Variants in TSPAN15 observed in about 807,000 individuals in gnomAD.
The protein encoded by TSPAN15 is tetraspanin 15.
Under a neutral mutation model 34.5 loss-of-function variants are expected in TSPAN15, and 20 were observed. The ratio of observed to expected loss-of-function variants is 0.58; its 90% confidence interval spans 0.41 to 0.84. TSPAN15 has a LOEUF of 0.84. Ranked by LOEUF, TSPAN15 falls within the 40% of genes least tolerant of loss-of-function variation. The pLI, the probability that TSPAN15 is intolerant of heterozygous loss-of-function variation, is 0.00. For synonymous variants in TSPAN15, 155 were observed against 153.9 expected, an observed-to-expected ratio of 1.01 and a Z score of -0.05; for missense variants, 313 against 386.1, an observed-to-expected ratio of 0.81 and a Z score of 1.59.
At chr10:69,490,547 C>G (rs1237357587) in intron 3 of TSPAN15, among the ~76,000 whole-genome samples, 1 of 152,164 alleles carries the variant, frequency 6.6e-6, no homozygotes, top group African/African-American at 2.4e-5. Flanking sequence ...ACAGTGAAAT[C>G]CTGTCTCTAG....
chr10:69,487,001 G>A (rs1340475194), intron 3 of TSPAN15, among the ~76,000 whole-genome samples: 1 of 151,924 alleles, frequency 6.6e-6, no homozygotes, highest in East Asian at 1.9e-4. Flanking sequence ...AGCCTTGAGG[G>A]GAGAGATCTT....
the TSPAN15 span, among the ~76,000 whole-genome samples, chr10:69,534,614 C>G: frequency 6.6e-6 from 1 of 151,858 alleles, no homozygotes; most frequent in African/African-American, 2.4e-5. Context: ...ATCAGTTGAT[C>G]CTCTGTGTAT....
At chr10:69,543,387 C>G in the TSPAN15 span, among the ~76,000 whole-genome samples, 1 of 152,340 alleles carries the variant, frequency 6.6e-6, no homozygotes, top group East Asian at 1.9e-4. Context: ...CTGAACCCAT[C>G]CATGTGCCCA....
chr10:69,498,984 A>G (rs754221273), intron 5 of TSPAN15, among the ~76,000 whole-genome samples: 2 of 152,118 alleles, frequency 1.3e-5, no homozygotes, highest in Non-Finnish European at 2.9e-5. Context: ...GGTCCTGGTG[A>G]TCATCAGCAG....
the TSPAN15 span, among the ~76,000 whole-genome samples, chr10:69,539,446 A>G: frequency 5.4e-5 from 2 of 36,716 alleles, no homozygotes; most frequent in East Asian, 2.0e-3. Flanking sequence ...AAGAAGGAAG[A>G]AGAAGAAGAA....
At chr10:69,492,530 G>C (rs1841990785) in intron 3 of TSPAN15, among the ~76,000 whole-genome samples, 1 of 152,218 alleles carries the variant, frequency 6.6e-6, no homozygotes. Flanking sequence ...AGGGACATCT[G>C]TTGCTCCTGC....
intron 4 of TSPAN15, among the ~76,000 whole-genome samples, chr10:69,496,339 A>AATG (rs902880687): frequency 8.2e-5 from 12 of 146,850 alleles, no homozygotes; most frequent in African/African-American, 1.7e-4. Flanking sequence ...TAATAATAAT[A>AATG]ATAATAATAA....
intron 1 of TSPAN15, among the ~76,000 whole-genome samples, chr10:69,475,954 G>A (rs1841605549): frequency 6.6e-6 from 1 of 152,002 alleles, no homozygotes; most frequent in African/African-American, 2.4e-5. Context: ...TTAATAAAGG[G>A]ATAATTTACA....
chr10:69,515,902 G>A, the TSPAN15 span, among the ~76,000 whole-genome samples: 5 of 152,376 alleles, frequency 3.3e-5, no homozygotes, highest in South Asian at 8.3e-4. Flanking sequence ...CTGCCTGGGT[G>A]GCAGCAGGAG....
chr10:69,461,882 G>A (rs1020126568), intron 1 of TSPAN15, among the ~76,000 whole-genome samples: 1 of 151,992 alleles, frequency 6.6e-6, no homozygotes, highest in Non-Finnish European at 1.5e-5. Flanking sequence ...TCCTACCCTG[G>A]GAGGATTTCA....
At chr10:69,547,717 TGCCGAGGTAGATTAGA>T in the TSPAN15 span, among the ~76,000 whole-genome samples, 2 of 152,080 alleles carry the variant, frequency 1.3e-5, no homozygotes, top group African/African-American at 2.4e-5. Flanking sequence ...AAGCAGGAAG[TGCCGAGGTAGATTAGA>T]GCTGACCTTA....
chr10:69,520,200 T>G, the TSPAN15 span, among the ~76,000 whole-genome samples: 2 of 152,226 alleles, frequency 1.3e-5, no homozygotes, highest in African/African-American at 4.8e-5. Flanking sequence ...CCTTGTAACC[T>G]CTATTCTATT....
At chr10:69,542,539 T>G in the TSPAN15 span, among the ~76,000 whole-genome samples, 1 of 152,216 alleles carries the variant, frequency 6.6e-6, no homozygotes, top group African/African-American at 2.4e-5. Context: ...GAAAGAGGTT[T>G]AATTGACTCA....
rs115390238 is a variant in TSPAN15, at chr10:69,470,758, A to G, written c.97-12933A>G. ...TAAAAAAAGATCACAGTTGGAACAG[A>G]GCACTTCTCTGCAAACTTTCAGTGC... is the stretch of plus-strand genomic sequence containing the variant. On this transcript the variant is annotated intron_variant, in intron 1 of 7. Transcript: ENST00000373290. Among the ~76,000 whole-genome samples the G allele has an allele frequency of 3.1e-3, 473 of 152,312 alleles. 5 individuals are homozygous for G. Among genetic ancestry groups the G allele is most frequent in the African/African-American group, 0.011 (453 of 41,574 alleles).
chr10:69,507,200 G>T lies in TSPAN15; in HGVS notation c.*222G>T, dbSNP rs1247719064. Reference sequence around the variant, plus strand: ...TTTCCCCGAGGCAGCTCTGGAATCTGTGCCCACCTGGGGCCTGGGGAACAA... The same window carrying T: ...TTTCCCCGAGGCAGCTCTGGAATCTTTGCCCACCTGGGGCCTGGGGAACAA... On this transcript the variant is annotated 3_prime_UTR_variant, in exon 8 of 8. Transcript: ENST00000373290. 7.1e-7 allele frequency: 1 copy of T among 1,414,152 alleles called. No individual in the cohort carries two copies. The highest frequency in any genetic ancestry group is 9.2e-7 in the Non-Finnish European group (1 of 1,090,104). The allele number at this position is 1,414,152 out of a possible 1,614,324, so 87.6% of individuals were successfully genotyped here. A position where few individuals can be genotyped will look rare whatever the true frequency, so the allele number is the denominator to read the frequency against.
At chr10:69,483,546 C>T (rs1046275306) in intron 1 of TSPAN15, 145 bp from the exon 2 acceptor site, 5 of 806,632 alleles carry the variant, frequency 6.2e-6, no homozygotes, top group Admixed American at 3.0e-5. Flanking sequence ...TGGGGAAACA[C>T]AGTTCAGCCG....
downstream of TSPAN15, among the ~76,000 whole-genome samples, chr10:69,508,489 C>T (rs527625654): frequency 7.3e-6 from 1 of 137,930 alleles, no homozygotes; most frequent in South Asian, 2.4e-4. Flanking sequence ...AATAAAGCAG[C>T]AAGAGCCCCA....
intron 5 of TSPAN15, 107 bp from the exon 6 acceptor site, chr10:69,504,331 C>T (rs552415684): frequency 4.9e-5 from 51 of 1,050,798 alleles, no homozygotes; most frequent in Admixed American, 1.2e-4. Context: ...CCCTGCTGGA[C>T]GGTGCAACTC....
At chr10:69,493,853 G>T (rs1176301682) in intron 3 of TSPAN15, among the ~76,000 whole-genome samples, 1 of 152,158 alleles carries the variant, frequency 6.6e-6, no homozygotes, top group Non-Finnish European at 1.5e-5. Context: ...GACCTCAGGT[G>T]ATCTGCCCAC....
Sources: gnomAD v4.1 joint callset for allele counts (sites outside exome capture counted in the v4.1 genomes callset) on GRCh38, gnomAD v4.1.1 for gene constraint, MANE v1.5 for transcripts, NCBI Gene and HGNC (gene_info 2026-07-23, HGNC 2026-07-21) for gene names.